Variants in STK17A observed in about 807,000 individuals in gnomAD.
The protein encoded by STK17A is serine/threonine-protein kinase 17A.
Under a neutral mutation model 43.7 loss-of-function variants are expected in STK17A, and 26 were observed. The observed-to-expected ratio is 0.60, with a 90% CI of 0.44 to 0.83. STK17A has a LOEUF of 0.83. Among genes scored for constraint, STK17A ranks in the 40% least tolerant of loss-of-function variants. The pLI is 0.00. For synonymous variants in STK17A, 191 were observed against 182.5 expected, an observed-to-expected ratio of 1.05 and a Z score of -0.38; for missense variants, 476 against 511.6, an observed-to-expected ratio of 0.93 and a Z score of 0.67.
intron 1 of STK17A, among the ~76,000 whole-genome samples, chr7:43,588,703 A>G (rs933809661): frequency 6.6e-6 from 1 of 151,272 alleles, no homozygotes; most frequent in African/African-American, 2.4e-5. Flanking sequence ...AGCTGGGCAC[A>G]CACCTGTAGT....
At chr7:43,619,568 G>T in intron 3 of STK17A, 29 bp from the exon 4 acceptor site, 1 of 1,607,312 alleles carries the variant, frequency 6.2e-7, no homozygotes, top group South Asian at 1.1e-5. Context: ...TAGTTATATT[G>T]ATTTTTGCGG....
rs537023294 is a variant in STK17A at position 43,623,728 on chromosome 7, T to G, written c.760T>G (p.Tyr254Asp). 6.2e-7 allele frequency: 1 copy of G among 1,607,344 alleles called. No individual in the cohort carries two copies. The highest frequency in any genetic ancestry group is 1.7e-5 in the Admixed American group (1 of 58,798). The change falls in exon 6 of 7, where the codon TAT becomes GAT. Residue 254 changes from tyrosine to aspartate, a missense_variant. Coordinates refer to ENST00000319357, the MANE Select transcript of STK17A (RefSeq NM_004760.3). ...ATTTAGGAGCATTGGAGTGTTAACA[T>G]ATGTCATGCTTACAGGAATATCACC... ...TDMWSIGVLT[Y>D]VMLTGISPFL... is the part of the protein sequence containing the mutation.
At chr7:43,595,289 C>CTTTTTTTTTTTTTTTTTTTTTT (rs1379359635) in intron 1 of STK17A, among the ~76,000 whole-genome samples, 2 of 77,850 alleles carry the variant, frequency 2.6e-5, no homozygotes, top group Non-Finnish European at 2.6e-5. Flanking sequence ...TTTTTTTTTC[C>CTTTTTTTTTTTTTTTTTTTTTT]CCCCTGGAGA....
intron 4 of STK17A, chr7:43,623,297 T>G: frequency 2.8e-6 from 1 of 351,524 alleles, no homozygotes; most frequent in South Asian, 3.4e-5. Flanking sequence ...ACACAGAGAT[T>G]GTCAGTTTAT....
chr7:43,597,353 G>A (rs1031504943), intron 2 of STK17A, among the ~76,000 whole-genome samples: 9 of 151,222 alleles, frequency 6.0e-5, no homozygotes, highest in Admixed American at 5.9e-4. Context: ...TTTATTTGGT[G>A]CGGTGGCTCA....
chr7:43,600,880 T>A (rs1173684898), intron 2 of STK17A, among the ~76,000 whole-genome samples: 1 of 152,208 alleles, frequency 6.6e-6, no homozygotes, highest in Non-Finnish European at 1.5e-5. Context: ...ATGCATGGCC[T>A]AATTTTACTT....
intron 2 of STK17A, among the ~76,000 whole-genome samples, chr7:43,604,058 AGTT>A (rs2082573329): frequency 6.6e-6 from 1 of 152,282 alleles, no homozygotes; most frequent in Admixed American, 6.5e-5. Context: ...AGTTCTTACT[AGTT>A]GTTGTGTGAA....
At chr7:43,615,306 GC>G (rs1350721564) in intron 3 of STK17A, among the ~76,000 whole-genome samples, 1 of 152,052 alleles carries the variant, frequency 6.6e-6, no homozygotes, top group Non-Finnish European at 1.5e-5. Context: ...CTCCCAAGTA[GC>G]TGGGACTACA....
chr7:43,605,052 T>C (rs1401619886), intron 2 of STK17A, among the ~76,000 whole-genome samples: 1 of 152,246 alleles, frequency 6.6e-6, no homozygotes. Context: ...AACCTCCATC[T>C]CTTACATGAT....
rs1159623015 is a variant in STK17A at position 43,583,125 on chromosome 7, C to T, written c.-119C>T. 1 of 1,112,610 alleles carries T rather than the reference C, an allele frequency of 9.0e-7. No individual in the cohort carries two copies. The highest frequency in any genetic ancestry group is 1.3e-6 in the Non-Finnish European group (1 of 792,384). 68.9% of individuals were successfully genotyped at this position (1,112,610 alleles called of 1,614,324 possible). A position where few individuals can be genotyped will look rare whatever the true frequency, so the allele number is the denominator to read the frequency against. ...TGCCTGCCGCAGTCCGAGCGCCGCGCTGGGGAGAGCGGGTGTTTGAAGGCT... is the reference window on the plus strand; with the variant it reads ...TGCCTGCCGCAGTCCGAGCGCCGCGTTGGGGAGAGCGGGTGTTTGAAGGCT... On this transcript the variant is annotated 5_prime_UTR_variant, in exon 1 of 7. Transcript: ENST00000319357.
intron 1 of STK17A, among the ~76,000 whole-genome samples, chr7:43,587,671 C>A (rs906568087): frequency 1.3e-5 from 2 of 151,344 alleles, no homozygotes; most frequent in African/African-American, 2.4e-5. Flanking sequence ...AAATAAAGAC[C>A]TTTATTAAGT....
chr7:43,598,814 A>G (rs992879806), intron 2 of STK17A, among the ~76,000 whole-genome samples: 1 of 150,656 alleles, frequency 6.6e-6, no homozygotes, highest in African/African-American at 2.5e-5. Flanking sequence ...CCCAGGCTGG[A>G]GTGCAGTGGC....
chr7:43,608,137 A>G, intron 2 of STK17A, 119 bp from the exon 3 acceptor site: 1 of 1,026,104 alleles, frequency 9.7e-7, no homozygotes, highest in Non-Finnish European at 1.4e-6. Flanking sequence ...ATAAAAATAC[A>G]TTTTTTAAAA....
In STK17A at chr7:43,626,578, G is replaced by A. The variant is rs1272759454; in HGVS notation, c.*1736G>A. ...AATGAATATCCATGGCCACAGTTTT[G>A]AGTCTCAGGTAAGTCTTGGAAGAAG... On this transcript the variant is annotated 3_prime_UTR_variant, in exon 7 of 7. Coordinates refer to ENST00000319357, the MANE Select transcript of STK17A (RefSeq NM_004760.3). The A allele has an allele frequency of 1.3e-5, 2 of 152,148 alleles. No individual in the cohort carries two copies. The highest frequency in any genetic ancestry group is 4.8e-5 in the African/African-American group (2 of 41,422). 9.4% of individuals were successfully genotyped at this position (152,148 alleles called of 1,614,324 possible). A position where few individuals can be genotyped will look rare whatever the true frequency, so the allele number is the denominator to read the frequency against.
intron 1 of STK17A, among the ~76,000 whole-genome samples, chr7:43,592,853 G>A (rs1011798143): frequency 1.1e-4 from 17 of 152,100 alleles, no homozygotes; most frequent in Admixed American, 1.0e-3. Context: ...GTGACAGAAC[G>A]AGACTGTGTC....
At chr7:43,589,317 A>G (rs1331950701) in intron 1 of STK17A, among the ~76,000 whole-genome samples, 1 of 151,568 alleles carries the variant, frequency 6.6e-6, no homozygotes, top group Non-Finnish European at 1.5e-5. Flanking sequence ...AACAAGTTGT[A>G]ATATATAAGA....
At chr7:43,611,316 G>T (rs1355576927) in intron 3 of STK17A, among the ~76,000 whole-genome samples, 1 of 152,164 alleles carries the variant, frequency 6.6e-6, no homozygotes, top group Non-Finnish European at 1.5e-5. Flanking sequence ...TCTTTTGAAA[G>T]ATGCCAATGT....
At chr7:43,619,525 T>C in intron 3 of STK17A, 72 bp from the exon 4 acceptor site, 1 of 1,540,374 alleles carries the variant, frequency 6.5e-7, no homozygotes, top group Non-Finnish European at 8.8e-7. Flanking sequence ...GTGAAATATG[T>C]TTTATGGGCT....
intron 1 of STK17A, among the ~76,000 whole-genome samples, chr7:43,588,691 T>C (rs1444311576): frequency 6.6e-6 from 1 of 151,056 alleles, no homozygotes; most frequent in Non-Finnish European, 1.5e-5. Flanking sequence ...AATTACAAAA[T>C]TAGCTGGGCA....
Sources: gnomAD v4.1 joint callset for allele counts (sites outside exome capture counted in the v4.1 genomes callset) on GRCh38, gnomAD v4.1.1 for gene constraint, MANE v1.5 for transcripts, NCBI Gene and HGNC (gene_info 2026-07-23, HGNC 2026-07-21) for gene names.